TMEM132D: variants seen among roughly 807,000 people sequenced by gnomAD.
TMEM132D encodes mature OL transmembrane protein.
TMEM132D carries 21 observed loss-of-function variants against 62.3 expected under a neutral mutation model. The observed-to-expected ratio is 0.34, with a 90% CI of 0.24 to 0.49. The LOEUF is 0.49. Ranked by LOEUF, TMEM132D falls within the 20% of genes least tolerant of loss-of-function variation. TMEM132D has a pLI of 0.99. For synonymous variants in TMEM132D, 621 were observed against 575.6 expected (o/e 1.08, Z -1.13); for missense variants, 1,346 against 1,402.8 (o/e 0.96, Z 0.65).
In TMEM132D at chr12:129,228,684, G is replaced by A. The variant is rs569481989; in HGVS notation, c.1300-19021C>T. On this transcript the variant is annotated intron_variant, in intron 4 of 8. Coordinates refer to ENST00000422113, the MANE Select transcript of TMEM132D (RefSeq NM_133448.3). ...TCATGGTTCATCCATGCTGTAGCAC[G>A]GGTCAGTGTTTCGTTCCTTTCACAG... Among the ~76,000 whole-genome samples, 184 of 152,270 alleles carry A rather than the reference G, an allele frequency of 1.2e-3. 1 individual carries two copies. The highest frequency in any genetic ancestry group is 4.2e-3 in the African/African-American group (176 of 41,568).
chr12:129,386,146 T>C (rs1871099683), intron 3 of TMEM132D, among the ~76,000 whole-genome samples: 1 of 152,264 alleles, frequency 6.6e-6, no homozygotes, highest in South Asian at 2.1e-4. Context: ...TCAGGATATG[T>C]GACACTCTTT....
chr12:129,118,201 G>C (rs551231880), intron 5 of TMEM132D, among the ~76,000 whole-genome samples: 1 of 152,320 alleles, frequency 6.6e-6, no homozygotes, highest in South Asian at 2.1e-4. Context: ...ACATTCTGAA[G>C]TCGAACCTTC....
chr12:129,683,037 A>G (rs1237239716), intron 2 of TMEM132D: 1 of 151,982 alleles, frequency 6.6e-6, no homozygotes, highest in African/African-American at 2.4e-5. Context: ...AGCGTGCTTT[A>G]TTCACTGGTA....
chr12:129,481,550 G>T (rs1335785753), intron 3 of TMEM132D, among the ~76,000 whole-genome samples: 1 of 151,590 alleles, frequency 6.6e-6, no homozygotes, highest in East Asian at 1.9e-4. Context: ...AAGAGGAAAT[G>T]CAATTTACCA....
intron 3 of TMEM132D, among the ~76,000 whole-genome samples, chr12:129,385,868 G>A (rs1205547057): frequency 6.6e-6 from 1 of 152,196 alleles, no homozygotes; most frequent in African/African-American, 2.4e-5. Flanking sequence ...CTGGGGAAGA[G>A]GCTGGGGATC....
At chr12:129,496,041 G>A (rs7298836) in intron 3 of TMEM132D, among the ~76,000 whole-genome samples, 3,164 of 152,262 alleles carry the variant, frequency 0.021, 102 homozygotes, top group African/African-American at 0.072. Context: ...TTTGTGGTGG[G>A]AAGAGATTTG....
chr12:129,604,182 G>T (rs1420700245), intron 2 of TMEM132D, among the ~76,000 whole-genome samples: 6 of 152,118 alleles, frequency 3.9e-5, no homozygotes, highest in African/African-American at 1.4e-4. Context: ...TGGGGGTAAG[G>T]GGGAAGGAGA....
intron 2 of TMEM132D, among the ~76,000 whole-genome samples, chr12:129,574,511 C>T (rs1431227799): frequency 6.6e-6 from 1 of 151,852 alleles, no homozygotes; most frequent in Non-Finnish European, 1.5e-5. Flanking sequence ...GCTACATTAG[C>T]CAGAGCAGCG....
chr12:129,669,815 C>T (rs1880462943), intron 2 of TMEM132D, among the ~76,000 whole-genome samples: 1 of 152,016 alleles, frequency 6.6e-6, no homozygotes, highest in African/African-American at 2.4e-5. Flanking sequence ...TCATTATTTA[C>T]TACATTATTT....
intron 3 of TMEM132D, among the ~76,000 whole-genome samples, chr12:129,513,820 ATTTATTTATTTATTTATTTAT>A (rs1301420158): frequency 8.7e-6 from 1 of 115,036 alleles, no homozygotes; most frequent in African/African-American, 3.2e-5. Context: ...TTATTTATTT[ATTTATTTATTTATTTATTTAT>A]TTATTTATTT....
intron 1 of TMEM132D, among the ~76,000 whole-genome samples, chr12:129,892,517 T>C (rs1402552961): frequency 6.6e-6 from 1 of 152,122 alleles, no homozygotes; most frequent in Non-Finnish European, 1.5e-5. Flanking sequence ...CCCTCTTCCC[T>C]TCTCCTCCCT....
intron 5 of TMEM132D, among the ~76,000 whole-genome samples, chr12:129,137,018 C>T (rs371506137): frequency 0.042 from 6,117 of 146,070 alleles, 176 homozygotes; most frequent in East Asian, 0.094. Flanking sequence ...ATCACAATTA[C>T]CATCATCACA....
intron 1 of TMEM132D, among the ~76,000 whole-genome samples, chr12:129,767,494 C>T (rs1249578352): frequency 6.6e-6 from 1 of 152,164 alleles, no homozygotes; most frequent in African/African-American, 2.4e-5. Flanking sequence ...AAAACAAATC[C>T]TATTCCCCAT....
At chr12:129,821,769 G>C (rs1872547694) in intron 1 of TMEM132D, among the ~76,000 whole-genome samples, 1 of 152,132 alleles carries the variant, frequency 6.6e-6, no homozygotes, top group Non-Finnish European at 1.5e-5. Flanking sequence ...TCTGTGGGCT[G>C]GGGGAAAAGG....
At chr12:129,745,991 A>G (rs781109792) in intron 1 of TMEM132D, among the ~76,000 whole-genome samples, 11 of 152,210 alleles carry the variant, frequency 7.2e-5, no homozygotes, top group Non-Finnish European at 1.3e-4. Flanking sequence ...GAGGTCTCTT[A>G]GAAGGCTGAC....
intron 5 of TMEM132D, among the ~76,000 whole-genome samples, chr12:129,095,468 C>A (rs536408995): frequency 6.6e-6 from 1 of 151,138 alleles, no homozygotes; most frequent in African/African-American, 2.4e-5. Context: ...AGTTCTCCTG[C>A]CTCAGCCTCC....
intron 2 of TMEM132D, among the ~76,000 whole-genome samples, chr12:129,624,378 T>C (rs534803739): frequency 1.3e-5 from 2 of 152,276 alleles, no homozygotes; most frequent in Admixed American, 6.5e-5. Context: ...AATGGGACAA[T>C]TGTGAAGACT....
At chr12:129,449,554 G>A (rs963539580) in intron 3 of TMEM132D, among the ~76,000 whole-genome samples, 6 of 152,116 alleles carry the variant, frequency 3.9e-5, no homozygotes, top group African/African-American at 1.4e-4. Flanking sequence ...AGCAATATGG[G>A]TACACGGAGT....
chr12:129,089,455 T>C lies in TMEM132D; in HGVS notation c.1444-4753A>G, dbSNP rs180837012. On this transcript the variant is annotated intron_variant, in intron 5 of 8. Coordinates refer to ENST00000422113, the MANE Select transcript of TMEM132D (RefSeq NM_133448.3). ...TGTCCTCCATGACCGGGGTGTCCTC[T>C]ATGACCGGGTGTCCTCCATGACCGG... Among the ~76,000 whole-genome samples, 51 of 25,640 alleles carry C rather than the reference T, an allele frequency of 2.0e-3. 13 individuals are homozygous for C. Among genetic ancestry groups the C allele is most frequent in the African/African-American group, 6.5e-3 (19 of 2,934 alleles). 16.8% of individuals were successfully genotyped at this position (25,640 alleles called of 152,430 possible). A position where few individuals can be genotyped will look rare whatever the true frequency, so the allele number is the denominator to read the frequency against.
Sources: gnomAD v4.1 joint callset for allele counts (sites outside exome capture counted in the v4.1 genomes callset) on GRCh38, gnomAD v4.1.1 for gene constraint, MANE v1.5 for transcripts, NCBI Gene and HGNC (gene_info 2026-07-23, HGNC 2026-07-21) for gene names.